Variants in DOCK11 observed in about 807,000 individuals in gnomAD.
DOCK11 encodes dedicator of cytokinesis protein 11.
In DOCK11, 70 loss-of-function variants were observed where a neutral mutation model predicts 169.1. The observed-to-expected ratio is 0.41, with a 90% CI of 0.34 to 0.51. The LOEUF (loss-of-function observed/expected upper bound fraction) is 0.51, where lower values mean the gene tolerates loss of function less well. Ranked by LOEUF, DOCK11 falls within the 20% of genes least tolerant of loss-of-function variation. The probability of loss-of-function intolerance (pLI) is 0.10; values close to 1 mark genes in which losing one functional copy is unlikely to be tolerated. For synonymous variants in DOCK11, 529 were observed against 541.3 expected (o/e 0.98, Z 0.32); for missense variants, 1,166 against 1,538.8 (o/e 0.76, Z 4.05).
intron 20 of DOCK11, among the ~76,000 whole-genome samples, chrX:118,594,444 A>G (rs1462842733): frequency 8.9e-6 from 1 of 112,416 alleles, no homozygotes; most frequent in Non-Finnish European, 1.9e-5. Flanking sequence ...GGAACATTTC[A>G]TATTTTGGAT....
At chrX:118,544,677 T>TTG (rs1362943408) in intron 4 of DOCK11, among the ~76,000 whole-genome samples, 7 of 67,266 alleles carry the variant, frequency 1.0e-4, no homozygotes, top group Non-Finnish European at 2.0e-4. Context: ...TTTTTTTTTT[T>TTG]GAGACAGAGT....
intron 48 of DOCK11, 31 bp from the exon 49 acceptor site, chrX:118,680,451 A>T: frequency 3.5e-6 from 3 of 854,412 alleles, no homozygotes; most frequent in Non-Finnish European, 4.6e-6. Flanking sequence ...ATAAAATAAA[A>T]TAAATAAATA....
chrX:118,550,875 T>A (rs939421193), intron 6 of DOCK11, among the ~76,000 whole-genome samples: 1 of 111,774 alleles, frequency 8.9e-6, no homozygotes, highest in African/African-American at 3.2e-5. Context: ...TTTCTATGTA[T>A]TTTTTTTCTA....
intron 6 of DOCK11, among the ~76,000 whole-genome samples, chrX:118,552,238 T>A (rs768533177): frequency 4.5e-5 from 5 of 111,781 alleles, no homozygotes; most frequent in Non-Finnish European, 5.6e-5. Flanking sequence ...TAATGCAATC[T>A]AAATAATATA....
intron 10 of DOCK11, among the ~76,000 whole-genome samples, chrX:118,568,371 TA>T (rs1242980795): frequency 0.16 from 73 of 467 alleles, 1 homozygote; most frequent in African/African-American, 0.31. Context: ...GGGGCTGAAT[TA>T]TATATATATA....
intron 1 of DOCK11, among the ~76,000 whole-genome samples, chrX:118,507,897 A>C (rs1293523919): frequency 9.0e-6 from 1 of 111,372 alleles, no homozygotes; most frequent in African/African-American, 3.3e-5. Context: ...ATTCCTTTGG[A>C]GTAACCATGT....
In DOCK11 at chrX:118,652,088, A is replaced by G. The variant is rs773005721; in HGVS notation, c.4695+11A>G. On this transcript the variant is annotated intron_variant, in intron 42 of 52. Coordinates refer to ENST00000276202, the MANE Select transcript of DOCK11 (RefSeq NM_144658.4). ...GACAGACCTATGAAGGTATGTTCTCATTTCAGATAATAAATTAGAACCACC... is the reference window on the plus strand; with the variant it reads ...GACAGACCTATGAAGGTATGTTCTCGTTTCAGATAATAAATTAGAACCACC... The G allele has an allele frequency of 9.4e-7, 1 of 1,069,162 alleles. No individual in the cohort carries two copies. The allele number at this position is 1,069,162 out of a possible 1,213,427, so 88.1% of individuals were successfully genotyped here. A position where few individuals can be genotyped will look rare whatever the true frequency, so the allele number is the denominator to read the frequency against.
In DOCK11 at chrX:118,601,944, ATT is replaced by A. The variant is rs55740749; in HGVS notation, c.2562+2731_2562+2732del. Reference sequence around the variant, plus strand: ...AGGCGCCCGCCACCATGCCCAGCTAATTTTTTTTTTTTTTTTGTATTTTTTAG... The same window carrying A: ...AGGCGCCCGCCACCATGCCCAGCTAATTTTTTTTTTTTTTGTATTTTTTAG... On this transcript the variant is annotated intron_variant, in intron 23 of 52. Transcript: ENST00000276202. Among the ~76,000 whole-genome samples the A allele has an allele frequency of 2.9e-3, 278 of 95,024 alleles. 3 individuals carry two copies. The highest frequency in any genetic ancestry group is 9.8e-3 in the African/African-American group (257 of 26,167). 82.5% of individuals were successfully genotyped at this position (95,024 alleles called of 115,157 possible).
chrX:118,512,469 C>T (rs373375320), intron 1 of DOCK11, among the ~76,000 whole-genome samples: 1 of 112,147 alleles, frequency 8.9e-6, no homozygotes, highest in African/African-American at 3.2e-5. Flanking sequence ...TTTTGTCTGG[C>T]ACCAAAGGGG....
intron 20 of DOCK11, among the ~76,000 whole-genome samples, 170 bp from the exon 21 acceptor site, chrX:118,597,261 C>T (rs1268779309): frequency 2.7e-5 from 3 of 111,175 alleles, no homozygotes; most frequent in Non-Finnish European, 5.7e-5. Context: ...GATTCAGAGT[C>T]GATCCAAACC....
At chrX:118,639,675 C>A in intron 38 of DOCK11, 98 bp downstream of exon 38, 1 of 891,319 alleles carries the variant, frequency 1.1e-6, no homozygotes, top group South Asian at 3.0e-5. Flanking sequence ...ATACCTTGAT[C>A]ATTACACATT....
Position 118,598,089 on chromosome X carries a change from C to A in DOCK11, c.2445C>A (p.Ser815Arg), listed in dbSNP as rs768025439. The A allele has an allele frequency of 8.4e-7, 1 of 1,193,375 alleles. No individual in the cohort carries two copies. The highest frequency in any genetic ancestry group is 2.2e-5 in the Admixed American group (1 of 45,636). ...CAAAGCCTTTGTTGAAGATTAAAAG[C>A]CACTTAGAATCTACCATTTACACTC... is the stretch of plus-strand genomic sequence containing the variant. ...DGAKPLLKIK[S>R]HLESTIYTQD... Residue 815 changes from serine to arginine, a missense_variant, in exon 22 of 53, where the codon AGC (serine) becomes AGA (arginine). Coordinates refer to ENST00000276202, the MANE Select transcript of DOCK11 (RefSeq NM_144658.4).
intron 40 of DOCK11, 100 bp from the exon 41 acceptor site, chrX:118,648,845 C>A: frequency 1.3e-6 from 1 of 747,000 alleles, no homozygotes; most frequent in Non-Finnish European, 1.9e-6. Flanking sequence ...TCCTCAAAGC[C>A]CCCAGCATAG....
intron 46 of DOCK11, among the ~76,000 whole-genome samples, chrX:118,672,494 G>A (rs763718199): frequency 1.4e-4 from 16 of 112,699 alleles, no homozygotes; most frequent in African/African-American, 3.5e-4. Flanking sequence ...CTGCAGTGGC[G>A]CTATCTCGGC....
chrX:118,526,771 T>C (rs1253536829), intron 1 of DOCK11, among the ~76,000 whole-genome samples: 2 of 112,518 alleles, frequency 1.8e-5, no homozygotes, highest in East Asian at 2.8e-4. Context: ...AAGGGACTTA[T>C]TTGTTTTCCC....
Position 118,580,140 on chromosome X carries a change from G to C in DOCK11, c.1556G>C (p.Arg519Pro). The C allele has an allele frequency of 8.3e-7, 1 of 1,209,405 alleles. No homozygotes were observed. The highest frequency in any genetic ancestry group is 1.1e-6 in the Non-Finnish European group (1 of 894,634). The change falls in exon 14 of 53, where the codon CGC becomes CCC. Residue 519 changes from arginine to proline, a missense_variant. Transcript: ENST00000276202. ...AGGACAGCTAAACAAGTGTGTAGCCGCCTTGGACAATACAGAATGCCCTTC... is the reference window on the plus strand; with the variant it reads ...AGGACAGCTAAACAAGTGTGTAGCCCCCTTGGACAATACAGAATGCCCTTC... Reference protein sequence around the residue: ...VHRTAKQVCSRLGQYRMPFAW... With the variant: ...VHRTAKQVCSPLGQYRMPFAW...
intron 1 of DOCK11, among the ~76,000 whole-genome samples, chrX:118,534,929 A>G (rs1472390050): frequency 3.6e-5 from 4 of 111,484 alleles, no homozygotes; most frequent in Non-Finnish European, 7.5e-5. Flanking sequence ...CTTTCCCCCA[A>G]GTAAAAGACC....
intron 21 of DOCK11, 97 bp from the exon 22 acceptor site, chrX:118,597,933 C>A: frequency 1.7e-6 from 1 of 589,450 alleles, no homozygotes; most frequent in Non-Finnish European, 2.5e-6. Flanking sequence ...GAAATTAATA[C>A]ATTCATTTCT....
chrX:118,616,644 C>T (rs1372108455), intron 30 of DOCK11, among the ~76,000 whole-genome samples: 1 of 109,635 alleles, frequency 9.1e-6, no homozygotes, highest in Non-Finnish European at 1.9e-5. Flanking sequence ...GTAGATGAAA[C>T]CACCTGATTG....
Sources: allele counts gnomAD v4.1 joint callset (sites outside exome capture counted in the v4.1 genomes callset), GRCh38; gene constraint gnomAD v4.1.1; transcripts MANE v1.5; gene names NCBI Gene and HGNC (gene_info 2026-07-23, HGNC 2026-07-21).